Variants in JAG1 observed in about 807,000 individuals in gnomAD.
JAG1 encodes the protein protein jagged-1.
A neutral mutation model predicts 148.7 loss-of-function variants in JAG1; 23 were observed. The observed-to-expected ratio is 0.15, with a 90% CI of 0.11 to 0.22. The LOEUF (loss-of-function observed/expected upper bound fraction) is 0.22, where lower values mean the gene tolerates loss of function less well. Among genes scored for constraint, JAG1 ranks in the 10% least tolerant of loss-of-function variants. JAG1 has a pLI of 1.00. For synonymous variants in JAG1, 572 were observed against 598.3 expected, an observed-to-expected ratio of 0.96 and a Z score of 0.64; for missense variants, 1,054 against 1,611.2, an observed-to-expected ratio of 0.65 and a Z score of 5.92.
chr20:10,646,160 A>C, intron 14 of JAG1, 76 bp from the exon 15 acceptor site: 1 of 1,039,950 alleles, frequency 9.6e-7, no homozygotes, highest in South Asian at 1.3e-5. Context: ...AGCAGTTTTC[A>C]TGGCTCCCTC....
At chr20:10,655,790 A>C (rs2067374879) in intron 5 of JAG1, among the ~76,000 whole-genome samples, 1 of 152,188 alleles carries the variant, frequency 6.6e-6, no homozygotes, top group Admixed American at 6.5e-5. Flanking sequence ...GCCATCGTGA[A>C]GTGGTCAGGG....
chr20:10,658,803 CAT>C (rs2122624000), intron 3 of JAG1, 81 bp from the exon 4 acceptor site: 2 of 1,430,112 alleles, frequency 1.4e-6, no homozygotes, highest in African/African-American at 2.8e-5. Flanking sequence ...AAAATAAAAA[CAT>C]ATGCACCTGC....
rs762774678 is a variant in JAG1 at position 10,639,582 on chromosome 20, T to G, written c.3573A>C (p.Thr1191=). Residue 1191 remains threonine, a synonymous_variant, in exon 26 of 26, where the codon ACA becomes ACC. Coordinates refer to ENST00000254958, the MANE Select transcript of JAG1 (RefSeq NM_000214.3). Reference sequence around the variant, plus strand: ...GTTTGTTTGTCCAGTTTGGGTGTTTTGTCGGCGTGCCGTTGGGGGGCTTCT... The same window carrying G: ...GTTTGTTTGTCCAGTTTGGGTGTTTGGTCGGCGTGCCGTTGGGGGGCTTCT... ...REEKPPNGTP[T]KHPNWTNKQD... The G allele has an allele frequency of 1.2e-6, 2 of 1,614,116 alleles. No individual in the cohort carries two copies. The highest frequency in any genetic ancestry group is 4.5e-5 in the East Asian group (2 of 44,900).
At position 10,658,531 on chromosome 20, in the gene JAG1, C is replaced by T. The variant is rs1023620945; in HGVS notation, c.631G>A (p.Ala211Thr). 6.2e-7 allele frequency: 1 copy of T among 1,614,094 alleles called. No homozygotes were observed. Among genetic ancestry groups the T allele is most frequent in the Non-Finnish European group, 8.5e-7 (1 of 1,180,040 alleles). The change falls in exon 4 of 26, where the codon GCC becomes ACC. Residue 211 changes from alanine (A) to threonine (T), a missense_variant. Physicochemically the swap from Ala to Thr is moderately conservative, Grantham distance 58. Coordinates refer to ENST00000254958, the MANE Select transcript of JAG1 (RefSeq NM_000214.3). ...GTTTTGTTGCCATTCTGGTCACAGGCATAGTGTCCAAAGAAGTCATCTCTG... is the reference window on the plus strand; with the variant it reads ...GTTTTGTTGCCATTCTGGTCACAGGTATAGTGTCCAAAGAAGTCATCTCTG... The part of the protein sequence containing the change: ...RPRDDFFGHY[A>T]CDQNGNKTCM...
rs747532570 is a variant in JAG1 at position 10,643,785 on chromosome 20, G to A, written c.2451C>T (p.Cys817=). 6 of 1,613,376 alleles carry A rather than the reference G, an allele frequency of 3.7e-6. No individual in the cohort carries two copies. Among genetic ancestry groups the A allele is most frequent in the Non-Finnish European group, 5.1e-6 (6 of 1,179,466 alleles). The change falls in exon 20 of 26, where the codon TGC becomes TGT. Residue 817 remains cysteine (C), a synonymous_variant. Coordinates refer to ENST00000254958, the MANE Select transcript of JAG1 (RefSeq NM_000214.3). The part of the protein sequence containing the change: ...ECAPGFAGPD[C]RININECQSS... Reference sequence around the variant, plus strand: ...GACGGAGACAGTCCTTACTTATTCTGCAGTCGGGCCCAGCAAAACCCGGGG... The same window carrying A: ...GACGGAGACAGTCCTTACTTATTCTACAGTCGGGCCCAGCAAAACCCGGGG...
chr20:10,644,276 T>TCTCTCTCA, intron 19 of JAG1, 81 bp downstream of exon 19: 1 of 882,928 alleles, frequency 1.1e-6, no homozygotes, highest in Non-Finnish European at 1.8e-6. Flanking sequence ...TGGGTGATTC[T>TCTCTCTCA]CACACACACA....
rs2067246816 is a variant in JAG1, at chr20:10,638,392, CAATT to C, written c.*1102_*1105del. On this transcript the variant is annotated 3_prime_UTR_variant, in exon 26 of 26. Transcript: ENST00000254958. ...AGATTGGTGTGCTTCCAAGTTCACACAATTAATTTGATATTTTTAATCATATTCA... is the reference window on the plus strand; with the variant it reads ...AGATTGGTGTGCTTCCAAGTTCACACAATTTGATATTTTTAATCATATTCA... 1.3e-5 allele frequency: 2 copies of C among 152,730 alleles called. No homozygotes were observed. Among genetic ancestry groups the C allele is most frequent in the African/African-American group, 4.8e-5 (2 of 41,562 alleles). The allele number at this position is 152,730 out of a possible 1,614,324, so 9.5% of individuals were successfully genotyped here.
intron 5 of JAG1, among the ~76,000 whole-genome samples, chr20:10,653,276 GAAAA>G (rs534278818): frequency 7.2e-6 from 1 of 139,096 alleles, no homozygotes; most frequent in East Asian, 2.1e-4. Context: ...GCCAAGAAAA[GAAAA>G]AAAAAAGAAA....
intron 9 of JAG1, 53 bp downstream of exon 9, chr20:10,650,194 G>C (rs913384376): frequency 8.5e-6 from 10 of 1,175,998 alleles, no homozygotes; most frequent in Non-Finnish European, 1.3e-5. Context: ...TAATGGCTTT[G>C]ACAATCAAAG....
rs1164525745 is a variant in JAG1 at position 10,651,306 on chromosome 20, G to T, written c.1120+275C>A. The T allele has an allele frequency of 6.3e-5, 26 of 412,592 alleles. No individual in the cohort carries two copies. In the East Asian group the frequency reaches 1.1e-3, roughly 17 times the overall value. 25.6% of individuals were successfully genotyped at this position (412,592 alleles called of 1,614,324 possible). ...GCAAGAAGAATAACCACAATTGGAAGGTGGCCAGCTCCAGGAAGCAGATGC... is the reference window on the plus strand; with the variant it reads ...GCAAGAAGAATAACCACAATTGGAATGTGGCCAGCTCCAGGAAGCAGATGC... On this transcript the variant is annotated intron_variant, in intron 8 of 25. Transcript: ENST00000254958.
chr20:10,656,622 A>G (rs1223830704), intron 4 of JAG1, among the ~76,000 whole-genome samples, 164 bp from the exon 5 acceptor site: 3 of 152,206 alleles, frequency 2.0e-5, no homozygotes, highest in Non-Finnish European at 4.4e-5. Context: ...CCAAATAACA[A>G]AACCAGCTTT....
At chr20:10,644,604 T>TG in intron 18 of JAG1, 2 of 645,550 alleles carry the variant, frequency 3.1e-6, no homozygotes, top group South Asian at 1.8e-5. Context: ...GGGATAGGGG[T>TG]GGGGGTGAGA....
rs770126798 is a variant in JAG1 at position 10,652,461 on chromosome 20, G to T, written c.886+7C>A. On this transcript the variant is annotated splice_region_variant and intron_variant, in intron 6 of 25. Coordinates refer to ENST00000254958, the MANE Select transcript of JAG1 (RefSeq NM_000214.3). ...CCCACCCTGGGTCTCATCCCTAAGGGCCATACCTTTGTCACAGAGCTGGCC... is the reference window on the plus strand; with the variant it reads ...CCCACCCTGGGTCTCATCCCTAAGGTCCATACCTTTGTCACAGAGCTGGCC... The T allele has an allele frequency of 1.2e-6, 2 of 1,614,020 alleles. No individual in the cohort carries two copies. The highest frequency in any genetic ancestry group is 4.5e-5 in the East Asian group (2 of 44,882).
chr20:10,658,344 C>A (rs528411446), intron 4 of JAG1, 124 bp downstream of exon 4: 8 of 1,259,244 alleles, frequency 6.4e-6, no homozygotes, highest in Non-Finnish European at 9.1e-6. Flanking sequence ...ATACTGCAGG[C>A]CCAGAATAAC....
intron 2 of JAG1, among the ~76,000 whole-genome samples, chr20:10,669,351 C>T (rs2122639868): frequency 6.6e-6 from 1 of 151,936 alleles, no homozygotes; most frequent in South Asian, 2.1e-4. Flanking sequence ...GAACCCCATC[C>T]TTAAGCCCTC....
chr20:10,665,542 A>G (rs535701654), intron 2 of JAG1, among the ~76,000 whole-genome samples: 1 of 152,316 alleles, frequency 6.6e-6, no homozygotes, highest in Non-Finnish European at 1.5e-5. Flanking sequence ...CTTCCTGCAA[A>G]TTACAGGACT....
intron 3 of JAG1, chr20:10,662,572 C>G (rs1007071593): frequency 6.5e-6 from 1 of 152,854 alleles, no homozygotes; most frequent in East Asian, 1.9e-4. Context: ...CTATGTCTCC[C>G]CCCTCCTCAA....
intron 18 of JAG1, chr20:10,644,645 A>AG (rs990848882): frequency 3.1e-6 from 2 of 641,522 alleles, no homozygotes; most frequent in Admixed American, 4.6e-5. Context: ...GGTCAGACCC[A>AG]GAGCTGGGAA....
chr20:10,637,819 G>A lies in JAG1; in HGVS notation c.*1679C>T, dbSNP rs1033716439. The A allele has an allele frequency of 2.0e-5, 3 of 152,606 alleles. No homozygotes were observed. The highest frequency in any genetic ancestry group is 4.4e-5 in the Non-Finnish European group (3 of 68,052). 9.5% of individuals were successfully genotyped at this position (152,606 alleles called of 1,614,324 possible). A position where few individuals can be genotyped will look rare whatever the true frequency, so the allele number is the denominator to read the frequency against. ...CCCCAGGTCTTTGAGAACTCCAGATGAGTTTTGTGGTTGAAAAGCCTTTCA... is the reference window on the plus strand; with the variant it reads ...CCCCAGGTCTTTGAGAACTCCAGATAAGTTTTGTGGTTGAAAAGCCTTTCA... On this transcript the variant is annotated 3_prime_UTR_variant, in exon 26 of 26. Coordinates refer to ENST00000254958, the MANE Select transcript of JAG1 (RefSeq NM_000214.3).
Sources: allele counts gnomAD v4.1 joint callset (sites outside exome capture counted in the v4.1 genomes callset), GRCh38; gene constraint gnomAD v4.1.1; transcripts MANE v1.5; gene names NCBI Gene and HGNC (gene_info 2026-07-23, HGNC 2026-07-21).